The following LRBA variants were observed in gnomAD, a reference collection of about 807,000 sequenced individuals.
The protein encoded by LRBA is lipopolysaccharide-responsive and beige-like anchor protein.
A neutral mutation model predicts 330.0 loss-of-function variants in LRBA; 176 were observed. The ratio of observed to expected loss-of-function variants is 0.53; its 90% confidence interval spans 0.47 to 0.60. The LOEUF is 0.60. Among genes scored for constraint, LRBA ranks in the 20% least tolerant of loss-of-function variants. LRBA has a pLI of 0.00. For synonymous variants in LRBA, 1,230 were observed against 1,193.0 expected, an observed-to-expected ratio of 1.03 and a Z score of -0.64; for missense variants, 3,259 against 3,444.8, an observed-to-expected ratio of 0.95 and a Z score of 1.35.
chr4:150,780,504 C>T lies in LRBA; in HGVS notation c.5580+17577G>A, dbSNP rs1338783666. Among the ~76,000 whole-genome samples, 5 of 130,084 alleles carry T rather than the reference C, an allele frequency of 3.8e-5. No homozygotes were observed. The Admixed American group carries it at 4.1e-4, about 11-fold the overall frequency. The allele number at this position is 130,084 out of a possible 152,430, so 85.3% of individuals were successfully genotyped here. A position where few individuals can be genotyped will look rare whatever the true frequency, so the allele number is the denominator to read the frequency against. ...AAGCCAGTCATAGTATGCTTAATGA[C>T]TTTCCTGGTGTACAGAAATAAGACC... On this transcript the variant is annotated intron_variant, in intron 34 of 56. Transcript: ENST00000651943.
At chr4:150,720,358 G>A (rs976922563) in intron 36 of LRBA, among the ~76,000 whole-genome samples, 1 of 151,852 alleles carries the variant, frequency 6.6e-6, no homozygotes, top group Non-Finnish European at 1.5e-5. Context: ...TTTTTCTAAT[G>A]AACAACATAA....
At chr4:150,566,620 T>G (rs1769167265) in intron 40 of LRBA, among the ~76,000 whole-genome samples, 1 of 152,090 alleles carries the variant, frequency 6.6e-6, no homozygotes, top group Non-Finnish European at 1.5e-5. Context: ...ATCAAGTAAC[T>G]GATACTAACT....
At chr4:150,487,219 C>CGT (rs934774041) in intron 42 of LRBA, among the ~76,000 whole-genome samples, 2 of 150,284 alleles carry the variant, frequency 1.3e-5, no homozygotes, top group African/African-American at 2.4e-5. Flanking sequence ...TGATATATAT[C>CGT]GTGTGTGTGT....
intron 22 of LRBA, among the ~76,000 whole-genome samples, chr4:150,854,752 A>G (rs892869602): frequency 3.3e-5 from 5 of 152,218 alleles, no homozygotes; most frequent in Non-Finnish European, 7.3e-5. Context: ...AGAAGAACAA[A>G]TGCAAAGGCC....
intron 31 of LRBA, among the ~76,000 whole-genome samples, chr4:150,812,080 C>A (rs1411633848): frequency 6.6e-6 from 1 of 152,218 alleles, no homozygotes; most frequent in South Asian, 2.1e-4. Context: ...ACTAAATACA[C>A]CAGTAATTTC....
chr4:150,482,631 G>A (rs1018244145), intron 42 of LRBA, among the ~76,000 whole-genome samples: 4 of 152,036 alleles, frequency 2.6e-5, no homozygotes, highest in Non-Finnish European at 4.4e-5. Flanking sequence ...CAAAGAAGTC[G>A]TACCACTTTA....
intron 42 of LRBA, among the ~76,000 whole-genome samples, chr4:150,479,368 A>G (rs1581432326): frequency 6.6e-6 from 1 of 152,264 alleles, no homozygotes; most frequent in East Asian, 1.9e-4. Flanking sequence ...GATAAACAAA[A>G]CTTTTCTAAA....
intron 34 of LRBA, among the ~76,000 whole-genome samples, chr4:150,764,999 C>T (rs1335718291): frequency 6.6e-6 from 1 of 151,476 alleles, no homozygotes; most frequent in African/African-American, 2.4e-5. Flanking sequence ...TTCATAAATG[C>T]CAAAACTTAG....
At chr4:150,837,926 G>A (rs1360184348) in intron 28 of LRBA, among the ~76,000 whole-genome samples, 1 of 152,164 alleles carries the variant, frequency 6.6e-6, no homozygotes, top group Non-Finnish European at 1.5e-5. Flanking sequence ...GCAGTGGCTG[G>A]TACTGGTTGT....
At chr4:150,692,778 T>C (rs182659320) in intron 36 of LRBA, among the ~76,000 whole-genome samples, 3 of 152,168 alleles carry the variant, frequency 2.0e-5, no homozygotes, top group Admixed American at 2.0e-4. Flanking sequence ...AATGCCAAAA[T>C]AAAAATCACC....
chr4:150,391,487 A>T (rs1342046781), intron 47 of LRBA, among the ~76,000 whole-genome samples: 1 of 152,214 alleles, frequency 6.6e-6, no homozygotes. Context: ...TAAAAGATCA[A>T]TTACACTCAA....
intron 40 of LRBA, among the ~76,000 whole-genome samples, chr4:150,568,902 A>C (rs1769494387): frequency 1.3e-5 from 2 of 152,080 alleles, no homozygotes; most frequent in African/African-American, 2.4e-5. Context: ...ATAACTTATA[A>C]GTAGATTTGG....
intron 22 of LRBA, among the ~76,000 whole-genome samples, chr4:150,862,051 G>C (rs529306258): frequency 2.6e-5 from 4 of 152,244 alleles, no homozygotes; most frequent in Admixed American, 2.6e-4. Flanking sequence ...AGAGGATGTG[G>C]AGAAATAGGA....
At chr4:150,659,918 C>CT (rs1780799442) in intron 37 of LRBA, among the ~76,000 whole-genome samples, 1 of 71,364 alleles carries the variant, frequency 1.4e-5, no homozygotes, top group Non-Finnish European at 3.4e-5. Context: ...GTCAGCCCCC[C>CT]GCCCGGCCAG....
chr4:150,744,162 T>C (rs76758091), intron 35 of LRBA, among the ~76,000 whole-genome samples: 3,198 of 152,344 alleles, frequency 0.021, 52 homozygotes, highest in Non-Finnish European at 0.032. Context: ...TAACTTCCTC[T>C]GATTCTACGA....
Position 150,277,997 on chromosome 4 carries a change from T to C in LRBA, c.8324A>G (p.Gln2775Arg), listed in dbSNP as rs756843456. ...CAGGTACTGCCCATCTCGGCTCAGCTGGATGGCCTGTGAGACACAGCAACA... is the reference window on the plus strand; with the variant it reads ...CAGGTACTGCCCATCTCGGCTCAGCCGGATGGCCTGTGAGACACAGCAACA... ...METDDNIRAI[Q>R]LSRDGQYLLT... The change falls in exon 56 of 57, where the codon CAG becomes CGG. Residue 2775 changes from glutamine to arginine, a missense_variant. Coordinates refer to ENST00000651943, the MANE Select transcript of LRBA (RefSeq NM_001364905.1). 2 of 1,613,838 alleles carry C rather than the reference T, an allele frequency of 1.2e-6. No homozygotes were observed. Among genetic ancestry groups the C allele is most frequent in the Non-Finnish European group, 1.7e-6 (2 of 1,179,900 alleles).
chr4:150,709,670 A>G (rs1785987067), intron 36 of LRBA, among the ~76,000 whole-genome samples: 1 of 152,038 alleles, frequency 6.6e-6, no homozygotes, highest in Non-Finnish European at 1.5e-5. Context: ...TATGTTATGA[A>G]TAGACATAGA....
intron 46 of LRBA, among the ~76,000 whole-genome samples, chr4:150,419,496 A>G (rs943665835): frequency 6.6e-6 from 1 of 152,164 alleles, no homozygotes; most frequent in East Asian, 1.9e-4. Flanking sequence ...ATAACTATGA[A>G]GGAATTTTTC....
intron 37 of LRBA, among the ~76,000 whole-genome samples, chr4:150,654,596 G>A (rs547005296): frequency 1.2e-4 from 18 of 152,272 alleles, no homozygotes; most frequent in South Asian, 2.1e-4. Context: ...ACAACGTGCA[G>A]GTTTGTTACA....
Sources: gnomAD v4.1 joint callset for allele counts (sites outside exome capture counted in the v4.1 genomes callset) on GRCh38, gnomAD v4.1.1 for gene constraint, MANE v1.5 for transcripts, NCBI Gene and HGNC (gene_info 2026-07-23, HGNC 2026-07-21) for gene names.